Variants in GXYLT2 observed in about 807,000 individuals in gnomAD.
GXYLT2 encodes glycosyltransferase 8 domain containing 4.
A neutral mutation model predicts 45.8 loss-of-function variants in GXYLT2; 53 were observed. The observed-to-expected ratio is 1.16, with a 90% confidence interval of 0.93 to 1.46. GXYLT2 has a LOEUF of 1.46. GXYLT2 is among the 40% of genes most tolerant of loss of function. The pLI, the probability that GXYLT2 is intolerant of heterozygous loss-of-function variation, is 0.00. For missense variants in GXYLT2, 551 were observed against 544.4 expected (o/e 1.01, Z -0.12); for synonymous variants, 219 against 214.2 (o/e 1.02, Z -0.19).
At chr3:72,918,908 T>C (rs1399498694) in intron 2 of GXYLT2, among the ~76,000 whole-genome samples, 1 of 152,138 alleles carries the variant, frequency 6.6e-6, no homozygotes, top group Non-Finnish European at 1.5e-5. Context: ...GATTAGAGCA[T>C]TGTAACTTAA....
chr3:72,907,439 C>G (rs1709534480), intron 1 of GXYLT2, among the ~76,000 whole-genome samples: 1 of 152,142 alleles, frequency 6.6e-6, no homozygotes, highest in Non-Finnish European at 1.5e-5. Context: ...CCCCTGGTCT[C>G]CAAATCTTTT....
In GXYLT2 at chr3:72,975,105, A is replaced by AT; in HGVS notation, c.1278_1279insT (p.Arg427Ter). On this transcript the variant is annotated frameshift_variant, in exon 7 of 7. Coordinates refer to ENST00000389617, the MANE Select transcript of GXYLT2 (RefSeq NM_001080393.2). LOFTEE classifies it high-confidence loss of function. ...TGAAGCAAATTGAGAAAACAATGAA[A>AT]AGGGCTTATGAGAAACACGTCATCA... 1 of 1,613,910 alleles carries AT rather than the reference A, an allele frequency of 6.2e-7. No homozygotes were observed.
intron 1 of GXYLT2, among the ~76,000 whole-genome samples, chr3:72,904,396 A>G (rs1297342512): frequency 6.6e-6 from 1 of 152,180 alleles, no homozygotes; most frequent in Non-Finnish European, 1.5e-5. Flanking sequence ...AAAGCCTGAG[A>G]TTTTTCATGT....
chr3:72,932,980 T>A (rs564869305), intron 3 of GXYLT2, among the ~76,000 whole-genome samples: 11 of 152,340 alleles, frequency 7.2e-5, no homozygotes, highest in African/African-American at 2.6e-4. Context: ...TTGCCTCCAT[T>A]TACTCATCTG....
chr3:72,925,340 G>C lies in GXYLT2; in HGVS notation c.600+3005G>C, dbSNP rs566321308. 8.5e-5 allele frequency among the ~76,000 whole-genome samples: 13 copies of C among 152,050 alleles called. No homozygotes were observed. In the South Asian group the frequency reaches 2.3e-3, roughly 27 times the overall value. On this transcript the variant is annotated intron_variant, in intron 3 of 6. Transcript: ENST00000389617. The stretch of plus-strand genomic sequence containing the variant: ...CCCGCTAATTTTTGTATTTTTAGTA[G>C]AGACAGGGTTTCACCATGTTGGTCA...
chr3:72,941,540 C>G (rs1710298541), intron 3 of GXYLT2, among the ~76,000 whole-genome samples: 2 of 152,138 alleles, frequency 1.3e-5, no homozygotes, highest in South Asian at 4.2e-4. Flanking sequence ...ATTCTACGCC[C>G]CTACCTCCAG....
At chr3:72,933,587 C>G (rs188140720) in intron 3 of GXYLT2, among the ~76,000 whole-genome samples, 4 of 152,170 alleles carry the variant, frequency 2.6e-5, no homozygotes, top group Admixed American at 6.5e-5. Flanking sequence ...TTGATTCAGG[C>G]TGAGTTAATC....
At chr3:72,951,781 T>G (rs1710531139) in intron 3 of GXYLT2, among the ~76,000 whole-genome samples, 1 of 152,168 alleles carries the variant, frequency 6.6e-6, no homozygotes, top group Non-Finnish European at 1.5e-5. Flanking sequence ...GAAATTAGAA[T>G]CTTCAAATTC....
intron 3 of GXYLT2, among the ~76,000 whole-genome samples, chr3:72,930,288 G>A (rs1710003914): frequency 6.6e-6 from 1 of 151,340 alleles, no homozygotes; most frequent in South Asian, 2.1e-4. Flanking sequence ...GATCACTTGA[G>A]CTCAGGAGTT....
At chr3:72,952,071 C>T (rs927524957) in intron 3 of GXYLT2, among the ~76,000 whole-genome samples, 5 of 149,856 alleles carry the variant, frequency 3.3e-5, no homozygotes, top group Non-Finnish European at 5.9e-5. Context: ...GTCATCATTT[C>T]GGCTCACTGC....
intron 2 of GXYLT2, among the ~76,000 whole-genome samples, chr3:72,914,802 A>G (rs1709704649): frequency 6.6e-6 from 1 of 152,158 alleles, no homozygotes; most frequent in Admixed American, 6.5e-5. Context: ...AAGCTGGATC[A>G]GGGCATGACC....
intron 3 of GXYLT2, among the ~76,000 whole-genome samples, chr3:72,925,172 T>C (rs968899350): frequency 2.0e-5 from 3 of 151,488 alleles, no homozygotes; most frequent in Non-Finnish European, 4.4e-5. Context: ...TTTTTTTTTT[T>C]TTGAGACAGA....
At chr3:72,950,329 C>T (rs1191532633) in intron 3 of GXYLT2, among the ~76,000 whole-genome samples, 1 of 151,970 alleles carries the variant, frequency 6.6e-6, no homozygotes, top group Non-Finnish European at 1.5e-5. Flanking sequence ...GGTATGGTGT[C>T]ACAGACCTGT....
In GXYLT2 at chr3:72,957,278, T is replaced by A; in HGVS notation, c.902T>A (p.Leu301Gln). Residue 301 changes from leucine (L) to glutamine (Q), a missense_variant, in exon 5 of 7, where the codon CTG becomes CAG. Physicochemically the swap from Leu to Gln is moderately radical, Grantham distance 113. Transcript: ENST00000389617. ...GLAWEDMLYP[L>Q]YQKYKNAITW... ...GCTTGGGAGGACATGTTGTACCCTC[T>A]GTACCAGAAGTACAAGAATGCCATC... is the stretch of plus-strand genomic sequence containing the variant. The A allele has an allele frequency of 6.2e-7, 1 of 1,613,098 alleles. No individual in the cohort carries two copies. The highest frequency in any genetic ancestry group is 8.5e-7 in the Non-Finnish European group (1 of 1,179,192).
intron 3 of GXYLT2, among the ~76,000 whole-genome samples, chr3:72,936,078 T>C (rs1414232037): frequency 6.6e-6 from 1 of 150,540 alleles, no homozygotes; most frequent in Non-Finnish European, 1.5e-5. Context: ...GATCACGAGG[T>C]CAGGAGATCA....
chr3:72,906,763 AC>A lies in GXYLT2; in HGVS notation c.276-1603del, dbSNP rs544335055. 3.6e-4 allele frequency among the ~76,000 whole-genome samples: 55 copies of A among 152,320 alleles called. 1 individual carries two copies. In the South Asian group the frequency reaches 5.4e-3, roughly 15 times the overall value. ...GTATGTGCCAAGACCTGGAGCCAACACAGTGTGGTCACCTGCACTGGAAGTG... is the reference window on the plus strand; with the variant it reads ...GTATGTGCCAAGACCTGGAGCCAACAAGTGTGGTCACCTGCACTGGAAGTG... On this transcript the variant is annotated intron_variant, in intron 1 of 6. Coordinates refer to ENST00000389617, the MANE Select transcript of GXYLT2 (RefSeq NM_001080393.2).
At position 72,888,516 on chromosome 3, in the gene GXYLT2, G is replaced by C; in HGVS notation, c.275+8G>C. On this transcript the variant is annotated splice_region_variant and intron_variant, in intron 1 of 6. Transcript: ENST00000389617. ...ACTGGAGAAGTTGGCGAGGTGAGTC[G>C]TGGCAACCCCAGAATCCCATCTGCG... is the stretch of plus-strand genomic sequence containing the variant. 8.2e-7 allele frequency: 1 copy of C among 1,225,726 alleles called. No homozygotes were observed. The highest frequency in any genetic ancestry group is 1.0e-6 in the Non-Finnish European group (1 of 981,084). The allele number at this position is 1,225,726 out of a possible 1,614,324, so 75.9% of individuals were successfully genotyped here. A position where few individuals can be genotyped will look rare whatever the true frequency, so the allele number is the denominator to read the frequency against.
chr3:72,926,945 A>G (rs1484865135), intron 3 of GXYLT2: 1 of 152,184 alleles, frequency 6.6e-6, no homozygotes, highest in Non-Finnish European at 1.5e-5. Flanking sequence ...AGCCATATTT[A>G]AGGAAGGAGT....
intron 5 of GXYLT2, among the ~76,000 whole-genome samples, chr3:72,965,545 G>A (rs1907470): frequency 0.4 from 60,293 of 152,030 alleles, 14,869 homozygotes; most frequent in Non-Finnish European, 0.55. Context: ...GCATCAAGCC[G>A]AGAAGCCAGG....
Sources: gnomAD v4.1 joint callset for allele counts (sites outside exome capture counted in the v4.1 genomes callset) on GRCh38, gnomAD v4.1.1 for gene constraint, MANE v1.5 for transcripts, NCBI Gene and HGNC (gene_info 2026-07-23, HGNC 2026-07-21) for gene names.